The following SPTLC2 variants were observed in gnomAD, a reference collection of about 807,000 sequenced individuals.
SPTLC2 encodes serine palmitoyltransferase long chain base subunit 2.
A neutral mutation model predicts 62.0 loss-of-function variants in SPTLC2; 21 were observed. The observed-to-expected ratio is 0.34, with a 90% CI of 0.24 to 0.49. SPTLC2 has a LOEUF of 0.49. Among genes scored for constraint, SPTLC2 ranks in the 20% least tolerant of loss-of-function variants. SPTLC2 has a pLI of 0.99. For synonymous variants in SPTLC2, 261 were observed against 261.8 expected, an observed-to-expected ratio of 1.00 and a Z score of 0.03; for missense variants, 511 against 713.0, an observed-to-expected ratio of 0.72 and a Z score of 3.23.
At chr14:77,551,937 G>A (rs893501011) in intron 9 of SPTLC2, among the ~76,000 whole-genome samples, 159 bp downstream of exon 9, 1 of 152,182 alleles carries the variant, frequency 6.6e-6, no homozygotes, top group African/African-American at 2.4e-5. Flanking sequence ...CATGGCATAT[G>A]TATCAAACAC....
At chr14:77,555,579 A>T (rs887180727) in intron 7 of SPTLC2, 60 bp from the exon 8 acceptor site, 1 of 1,530,006 alleles carries the variant, frequency 6.5e-7, no homozygotes, top group East Asian at 2.3e-5. Context: ...TTAAATCAAA[A>T]TTGGGAGTTT....
chr14:77,600,595 T>C (rs2079871805), intron 1 of SPTLC2, among the ~76,000 whole-genome samples: 1 of 152,234 alleles, frequency 6.6e-6, no homozygotes, highest in South Asian at 2.1e-4. Context: ...GGGTAGTATT[T>C]ATGAAGTCTT....
chr14:77,560,508 G>C (rs544554477), intron 6 of SPTLC2, among the ~76,000 whole-genome samples: 19 of 152,230 alleles, frequency 1.2e-4, no homozygotes, highest in Non-Finnish European at 2.4e-4. Flanking sequence ...CCAGCTACTA[G>C]GGTGGCTGAG....
chr14:77,514,183 T>G (rs995435198), intron 11 of SPTLC2, among the ~76,000 whole-genome samples: 1 of 152,010 alleles, frequency 6.6e-6, no homozygotes, highest in African/African-American at 2.4e-5. Flanking sequence ...TGCCTCAAAA[T>G]AATAATAATA....
At chr14:77,539,515 G>T (rs1400313723) in intron 9 of SPTLC2, among the ~76,000 whole-genome samples, 1 of 115,846 alleles carries the variant, frequency 8.6e-6, no homozygotes, top group Non-Finnish European at 1.7e-5. Context: ...TTGGAGATGG[G>T]GTCTCGTTGT....
At chr14:77,545,530 A>C (rs1362261726) in intron 9 of SPTLC2, among the ~76,000 whole-genome samples, 2 of 152,244 alleles carry the variant, frequency 1.3e-5, no homozygotes, top group East Asian at 1.9e-4. Context: ...CAGCTTCCCA[A>C]AGTGCTGGGA....
At chr14:77,554,400 T>G (rs2079571849) in intron 8 of SPTLC2, among the ~76,000 whole-genome samples, 1 of 152,198 alleles carries the variant, frequency 6.6e-6, no homozygotes, top group African/African-American at 2.4e-5. Flanking sequence ...TCATACCCAT[T>G]AGCATTCACT....
At chr14:77,570,277 CT>C (rs2079673624) in intron 5 of SPTLC2, 106 bp downstream of exon 5, 29 of 1,176,438 alleles carry the variant, frequency 2.5e-5, no homozygotes, top group Non-Finnish European at 3.5e-5. Context: ...TTTGGCTAAA[CT>C]ATGTTTAGCC....
At chr14:77,529,620 C>CTTTCTTTCT (rs1555373703) in intron 9 of SPTLC2, among the ~76,000 whole-genome samples, 1 of 76,048 alleles carries the variant, frequency 1.3e-5, no homozygotes, top group Non-Finnish European at 2.7e-5. Context: ...TTCTTTCTTT[C>CTTTCTTTCT]TTTTTTTTTT....
intron 9 of SPTLC2, among the ~76,000 whole-genome samples, chr14:77,540,205 CAA>C (rs34847653): frequency 0.078 from 6,827 of 87,676 alleles, 137 homozygotes; most frequent in African/African-American, 0.13. Context: ...ACTCTTGTCT[CAA>C]AAAAAAAAAA....
chr14:77,531,443 TCTCCTC>T (rs1354897312), intron 9 of SPTLC2, among the ~76,000 whole-genome samples: 1 of 130,278 alleles, frequency 7.7e-6, no homozygotes, highest in Non-Finnish European at 1.6e-5. Context: ...TTCTTCTTCT[TCTCCTC>T]CTTCTCCTCC....
Position 77,583,244 on chromosome 14 carries a change from T to C in SPTLC2, c.328-4135A>G, listed in dbSNP as rs530678150. ...AAATAAATAAATAAATAAATAAAAATAATAATTTTAAAAAAGATGAGAAGG... is the reference window on the plus strand; with the variant it reads ...AAATAAATAAATAAATAAATAAAAACAATAATTTTAAAAAAGATGAGAAGG... On this transcript the variant is annotated intron_variant, in intron 2 of 11. Coordinates refer to ENST00000216484, the MANE Select transcript of SPTLC2 (RefSeq NM_004863.4). Among the ~76,000 whole-genome samples the C allele has an allele frequency of 5.8e-5, 6 of 103,388 alleles. No homozygotes were observed. The South Asian group carries it at 1.8e-3, about 32-fold the overall frequency. 67.8% of individuals were successfully genotyped at this position (103,388 alleles called of 152,430 possible). A position where few individuals can be genotyped will look rare whatever the true frequency, so the allele number is the denominator to read the frequency against.
rs905335187 is a variant in SPTLC2, at chr14:77,511,378, G to A, written c.*906C>T. ...AAATGCAAGCCACAGGCTCTGCAAG[G>A]AGTAATCAATTCTTTGCACACTGCC... On this transcript the variant is annotated 3_prime_UTR_variant, in exon 12 of 12. Transcript: ENST00000216484. 2.0e-5 allele frequency: 3 copies of A among 152,256 alleles called. No individual in the cohort carries two copies. The highest frequency in any genetic ancestry group is 1.9e-4 in the East Asian group (1 of 5,200). The allele number at this position is 152,256 out of a possible 1,614,324, so 9.4% of individuals were successfully genotyped here. A position where few individuals can be genotyped will look rare whatever the true frequency, so the allele number is the denominator to read the frequency against.
At chr14:77,528,129 GAAAAT>G (rs1040526136) in intron 9 of SPTLC2, among the ~76,000 whole-genome samples, 3 of 152,058 alleles carry the variant, frequency 2.0e-5, no homozygotes, top group African/African-American at 4.8e-5. Context: ...TCTTCCTGGG[GAAAAT>G]AAAATAAAAT....
chr14:77,613,938 TCA>T, intron 1 of SPTLC2, among the ~76,000 whole-genome samples: 1 of 152,334 alleles, frequency 6.6e-6, no homozygotes, highest in South Asian at 2.1e-4. Context: ...AGAAAAATAT[TCA>T]CAGACAATAT....
intron 1 of SPTLC2, among the ~76,000 whole-genome samples, chr14:77,603,332 C>T (rs2364578): frequency 0.089 from 13,546 of 152,226 alleles, 809 homozygotes; most frequent in Admixed American, 0.18. Context: ...TGTTATCATG[C>T]TTTGTCCATT....
chr14:77,581,719 C>G (rs1180300832), intron 2 of SPTLC2, among the ~76,000 whole-genome samples: 1 of 152,046 alleles, frequency 6.6e-6, no homozygotes, highest in African/African-American at 2.4e-5. Context: ...GCCACCATCT[C>G]TTTTACAACT....
intron 1 of SPTLC2, among the ~76,000 whole-genome samples, chr14:77,606,629 CA>C: frequency 1.3e-5 from 2 of 152,188 alleles, no homozygotes; most frequent in East Asian, 3.9e-4. Flanking sequence ...TCAAAATCAA[CA>C]TAATCATTTC....
intron 10 of SPTLC2, among the ~76,000 whole-genome samples, chr14:77,520,318 G>A (rs2079379657): frequency 6.6e-6 from 1 of 152,162 alleles, no homozygotes; most frequent in South Asian, 2.1e-4. Flanking sequence ...CTCTCAGGGA[G>A]CACCTTTTCC....
Sources: allele counts gnomAD v4.1 joint callset (sites outside exome capture counted in the v4.1 genomes callset), GRCh38; gene constraint gnomAD v4.1.1; transcripts MANE v1.5; gene names NCBI Gene and HGNC (gene_info 2026-07-23, HGNC 2026-07-21).